CERS3: variants seen among roughly 807,000 people sequenced by gnomAD.
CERS3 encodes the protein ceramide synthase 3, also known as LAG1 homolog, ceramide synthase 3.
In CERS3, 33 loss-of-function variants were observed where a neutral mutation model predicts 50.3. The observed-to-expected ratio is 0.66, with a 90% CI of 0.50 to 0.88. The LOEUF (loss-of-function observed/expected upper bound fraction) is 0.88, where lower values mean the gene tolerates loss of function less well. CERS3 is among the 40% of genes least tolerant of loss of function. CERS3 has a pLI of 0.00. For missense variants in CERS3, 470 were observed against 460.3 expected, an observed-to-expected ratio of 1.02 and a Z score of -0.19; for synonymous variants, 176 against 155.2, an observed-to-expected ratio of 1.13 and a Z score of -0.99.
chr15:100,413,986 T>C (rs900014680), intron 11 of CERS3, among the ~76,000 whole-genome samples: 1 of 152,118 alleles, frequency 6.6e-6, no homozygotes, highest in Non-Finnish European at 1.5e-5. Flanking sequence ...CTGGAACAGA[T>C]GGATTCACAG....
chr15:100,491,031 G>C (rs1847462694), intron 3 of CERS3, 100 bp from the exon 4 acceptor site: 1 of 738,658 alleles, frequency 1.4e-6, no homozygotes, highest in African/African-American at 1.8e-5. Context: ...AATGAAATCA[G>C]TCATTTGTTT....
intron 4 of CERS3, 140 bp downstream of exon 4, chr15:100,490,677 A>T (rs762208694): frequency 1.3e-5 from 8 of 616,528 alleles, no homozygotes; most frequent in Non-Finnish European, 2.0e-5. Flanking sequence ...AACAGAACAA[A>T]GAAACAATAA....
intron 11 of CERS3, among the ~76,000 whole-genome samples, chr15:100,412,465 A>G (rs1316176611): frequency 6.6e-6 from 1 of 152,182 alleles, no homozygotes; most frequent in Non-Finnish European, 1.5e-5. Flanking sequence ...GATTTGTAGT[A>G]AGTTTGGAAA....
intron 4 of CERS3, among the ~76,000 whole-genome samples, chr15:100,489,099 T>C (rs1464459307): frequency 1.3e-5 from 2 of 152,186 alleles, no homozygotes; most frequent in Non-Finnish European, 2.9e-5. Context: ...TCTTACTGGA[T>C]GCAAATGTCA....
At chr15:100,405,258 A>C (rs77080559) in intron 11 of CERS3, among the ~76,000 whole-genome samples, 6,862 of 142,890 alleles carry the variant, frequency 0.048, 162 homozygotes, top group South Asian at 0.067. Flanking sequence ...ACAAAAAAAA[A>C]CCCCTAATTT....
intron 1 of CERS3, among the ~76,000 whole-genome samples, chr15:100,543,054 T>C (rs1479241754): frequency 6.6e-6 from 1 of 151,772 alleles, no homozygotes; most frequent in Non-Finnish European, 1.5e-5. Context: ...GCTGGGATTA[T>C]AGGTGCCCAC....
chr15:100,404,134 A>G (rs1472364008), intron 11 of CERS3, among the ~76,000 whole-genome samples: 1 of 152,174 alleles, frequency 6.6e-6, no homozygotes, highest in Non-Finnish European at 1.5e-5. Context: ...GCAGCAAAGA[A>G]CAGATGCTCC....
chr15:100,505,640 T>G (rs2036154052), intron 2 of CERS3, among the ~76,000 whole-genome samples: 1 of 152,178 alleles, frequency 6.6e-6, no homozygotes, highest in Admixed American at 6.5e-5. Flanking sequence ...TGGCTAAAAT[T>G]GTAAAACTCT....
At chr15:100,443,998 C>T (rs1237448661) in intron 11 of CERS3, among the ~76,000 whole-genome samples, 2 of 152,180 alleles carry the variant, frequency 1.3e-5, no homozygotes, top group Non-Finnish European at 2.9e-5. Context: ...TCTAGCTCTC[C>T]CTGACTCATC....
chr15:100,501,951 A>C (rs1253519550), intron 2 of CERS3, 101 bp from the exon 3 acceptor site: 1 of 1,273,640 alleles, frequency 7.9e-7, no homozygotes, highest in Non-Finnish European at 1.1e-6. Context: ...GAGAGCTTAG[A>C]AAATAAGGCA....
At position 100,431,691 on chromosome 15, in the gene CERS3, G is replaced by C. The variant is rs78448644; in HGVS notation, c.999+24202C>G. Reference sequence around the variant, plus strand: ...TCTCTGCTTAATCTTGTAGATCTCAGCCTAGGATGCAAATTAGAATCATTT... The same window carrying C: ...TCTCTGCTTAATCTTGTAGATCTCACCCTAGGATGCAAATTAGAATCATTT... On this transcript the variant is annotated intron_variant, in intron 11 of 11. Coordinates refer to ENST00000679737, the MANE Select transcript of CERS3 (RefSeq NM_001378789.1). 4.9e-4 allele frequency among the ~76,000 whole-genome samples: 74 copies of C among 152,288 alleles called. No individual in the cohort carries two copies. The East Asian group carries it at 0.012, about 25-fold the overall frequency.
chr15:100,443,746 C>T (rs190661579), intron 11 of CERS3, among the ~76,000 whole-genome samples: 2,580 of 151,856 alleles, frequency 0.017, 28 homozygotes, highest in East Asian at 0.034. Context: ...TAAAGACACA[C>T]GTGCTCTCCC....
upstream of CERS3, among the ~76,000 whole-genome samples, chr15:100,532,259 A>G (rs560104820): frequency 1.3e-5 from 2 of 152,304 alleles, no homozygotes; most frequent in Admixed American, 1.3e-4. Flanking sequence ...TTCGTAGAGA[A>G]GAAAACGTAA....
chr15:100,526,860 C>T (rs1338811015), intron 1 of CERS3, among the ~76,000 whole-genome samples: 2 of 152,164 alleles, frequency 1.3e-5, no homozygotes, highest in African/African-American at 4.8e-5. Context: ...GAAATGAATA[C>T]TGTTTACCAA....
At chr15:100,440,600 G>A (rs918182778) in intron 11 of CERS3, among the ~76,000 whole-genome samples, 8 of 152,292 alleles carry the variant, frequency 5.3e-5, no homozygotes, top group Admixed American at 2.6e-4. Context: ...TCACACGGAC[G>A]TGCGTGAAAT....
At chr15:100,411,694 C>T (rs2031501327) in intron 11 of CERS3, among the ~76,000 whole-genome samples, 1 of 151,984 alleles carries the variant, frequency 6.6e-6, no homozygotes, top group Non-Finnish European at 1.5e-5. Context: ...TGTGGTTAAG[C>T]CTATGTTTAA....
rs58654483 is a variant in CERS3 at position 100,502,251 on chromosome 15, G to GA, written c.-1-402dup. Among the ~76,000 whole-genome samples the GA allele has an allele frequency of 7.5e-3, 858 of 113,658 alleles. 9 individuals carry two copies. The highest frequency in any genetic ancestry group is 0.011 in the Non-Finnish European group (635 of 58,774). 74.6% of individuals were successfully genotyped at this position (113,658 alleles called of 152,430 possible). On this transcript the variant is annotated intron_variant, in intron 2 of 11. Transcript: ENST00000679737. ...AGAGCAAGACTCCACCTCAAAAAAA[G>GA]AAAAAAAAAAAAAAAAAAAGAAAGA...
At chr15:100,448,253 C>A (rs755310839) in intron 11 of CERS3, among the ~76,000 whole-genome samples, 3 of 152,006 alleles carry the variant, frequency 2.0e-5, no homozygotes, top group Non-Finnish European at 4.4e-5. Context: ...AACCAAATAG[C>A]GAGTAGATAA....
intron 1 of CERS3, among the ~76,000 whole-genome samples, chr15:100,543,549 T>A (rs1007403117): frequency 1.9e-5 from 2 of 104,534 alleles, no homozygotes; most frequent in African/African-American, 6.8e-5. Context: ...TTTTTTTTTA[T>A]TAGAAGTTTT....
Sources: allele counts gnomAD v4.1 joint callset (sites outside exome capture counted in the v4.1 genomes callset), GRCh38; gene constraint gnomAD v4.1.1; transcripts MANE v1.5; gene names NCBI Gene and HGNC (gene_info 2026-07-23, HGNC 2026-07-21).